The following GREB1 variants were observed in gnomAD, a reference collection of about 807,000 sequenced individuals.
GREB1 encodes the protein protein GREB1.
GREB1 carries 106 observed loss-of-function variants against 200.7 expected under a neutral mutation model. The observed-to-expected ratio is 0.53, with a 90% CI of 0.45 to 0.62. The LOEUF (loss-of-function observed/expected upper bound fraction) is 0.62. GREB1 is among the 20% of genes least tolerant of loss of function. The pLI is 0.00. For missense variants in GREB1, 2,243 were observed against 2,556.8 expected, an observed-to-expected ratio of 0.88 and a Z score of 2.65; for synonymous variants, 1,132 against 1,092.4, an observed-to-expected ratio of 1.04 and a Z score of -0.72.
chr2:11,630,306 TG>T (rs1684783463), intron 26 of GREB1, among the ~76,000 whole-genome samples, 197 bp downstream of exon 26: 1 of 152,262 alleles, frequency 6.6e-6, no homozygotes, highest in Non-Finnish European at 1.5e-5. Context: ...TTACTAGTTT[TG>T]TTACTTGAAC....
At chr2:11,543,644 G>T (rs1039909893) in intron 1 of GREB1, among the ~76,000 whole-genome samples, 3 of 152,170 alleles carry the variant, frequency 2.0e-5, no homozygotes, top group African/African-American at 7.2e-5. Context: ...CCAAGTTTGA[G>T]AATTTTTTTG....
chr2:11,503,616 A>C (rs994326745), intron 1 of GREB1, among the ~76,000 whole-genome samples: 1 of 152,186 alleles, frequency 6.6e-6, no homozygotes, highest in Non-Finnish European at 1.5e-5. Context: ...ACTAATTTAC[A>C]TGTCCAGTGG....
intron 1 of GREB1, among the ~76,000 whole-genome samples, chr2:11,540,864 C>T (rs1198773022): frequency 6.6e-6 from 1 of 152,368 alleles, no homozygotes; most frequent in East Asian, 1.9e-4. Context: ...TGGAGCACCC[C>T]ATTCCCATCC....
chr2:11,530,671 G>T (rs1159207398), upstream of GREB1, among the ~76,000 whole-genome samples: 4 of 151,930 alleles, frequency 2.6e-5, no homozygotes, highest in Admixed American at 6.6e-5. Flanking sequence ...GTGAGTTAAT[G>T]GGGGGCAGGG....
At chr2:11,614,055 C>T (rs1197955736) in intron 19 of GREB1, among the ~76,000 whole-genome samples, 1 of 152,054 alleles carries the variant, frequency 6.6e-6, no homozygotes, top group Non-Finnish European at 1.5e-5. Context: ...AGTACCCTGG[C>T]CTGTGTTCAC....
chr2:11,513,065 G>A (rs567918224), intron 1 of GREB1, among the ~76,000 whole-genome samples: 1 of 152,104 alleles, frequency 6.6e-6, no homozygotes, highest in Admixed American at 6.5e-5. Flanking sequence ...GAGCTGAAGC[G>A]CAAAGCTTAA....
At chr2:11,606,229 C>T (rs1682276207) in intron 17 of GREB1, among the ~76,000 whole-genome samples, 1 of 152,210 alleles carries the variant, frequency 6.6e-6, no homozygotes, top group African/African-American at 2.4e-5. Context: ...GGTTAAAAAT[C>T]CACATACAAG....
intron 1 of GREB1, among the ~76,000 whole-genome samples, chr2:11,508,025 G>T (rs1375737185): frequency 6.6e-6 from 1 of 152,210 alleles, no homozygotes; most frequent in Non-Finnish European, 1.5e-5. Context: ...ATAAAGCCAT[G>T]TACTAGATAT....
chr2:11,561,742 A>G (rs756343426), intron 2 of GREB1: 2 of 152,212 alleles, frequency 1.3e-5, no homozygotes, highest in Non-Finnish European at 2.9e-5. Flanking sequence ...CTGAGATCAG[A>G]CGAGATCAGG....
At position 11,586,048 on chromosome 2, in the gene GREB1, A is replaced by G; in HGVS notation, c.1159+143A>G. ...CCTAAAATGCTTTCCAGGGCAAGGA[A>G]AGAACAAGGCAGAGCCAGTCACTAG... is the stretch of plus-strand genomic sequence containing the variant. On this transcript the variant is annotated intron_variant, in intron 9 of 32. Transcript: ENST00000381486. The G allele has an allele frequency of 7.5e-6, 6 of 801,016 alleles. No homozygotes were observed. In the South Asian group the frequency reaches 1.0e-4, roughly 14 times the overall value. The allele number at this position is 801,016 out of a possible 1,614,324, so 49.6% of individuals were successfully genotyped here.
At chr2:11,484,585 TAAAAAACAAAA>T (rs781262724) in intron 1 of GREB1, among the ~76,000 whole-genome samples, 10 of 7,792 alleles carry the variant, frequency 1.3e-3, no homozygotes, top group South Asian at 0.016. Context: ...TCTCATCTCT[TAAAAAACAAAA>T]AAAAAAAAAA....
At chr2:11,577,035 A>AAAAC (rs755354444) in intron 5 of GREB1, among the ~76,000 whole-genome samples, 19 of 151,918 alleles carry the variant, frequency 1.3e-4, no homozygotes, top group East Asian at 5.8e-4. Context: ...ACTCCATCTC[A>AAAAC]AAACAAACAA....
intron 1 of GREB1, among the ~76,000 whole-genome samples, chr2:11,504,752 A>C (rs1673135426): frequency 6.6e-6 from 1 of 152,234 alleles, no homozygotes; most frequent in Non-Finnish European, 1.5e-5. Flanking sequence ...TTATCCAAAC[A>C]TTGCTTGATT....
In GREB1 at chr2:11,628,519, G is replaced by A. The variant is rs534729322; in HGVS notation, c.4449+1415G>A. 2.0e-3 allele frequency among the ~76,000 whole-genome samples: 298 copies of A among 152,306 alleles called. 3 individuals carry two copies. Among genetic ancestry groups the A allele is most frequent in the Admixed American group, 4.2e-3 (64 of 15,306 alleles). ...CATTGTTTGAGTGTGCAATTGTACT[G>A]TAGATGAAAGAAAGAACATATGAGC... On this transcript the variant is annotated intron_variant, in intron 25 of 32. Coordinates refer to ENST00000381486, the MANE Select transcript of GREB1 (RefSeq NM_014668.4).
chr2:11,574,003 G>A lies in GREB1; in HGVS notation c.455-2350G>A, dbSNP rs182217167. On this transcript the variant is annotated intron_variant, in intron 4 of 32. Transcript: ENST00000381486. ...ACACCAGGCTTAGAAGCCCTTCCAGGGAGCTCTGAAGGTTTCTTCGGGCCT... is the reference window on the plus strand; with the variant it reads ...ACACCAGGCTTAGAAGCCCTTCCAGAGAGCTCTGAAGGTTTCTTCGGGCCT... Among the ~76,000 whole-genome samples the A allele has an allele frequency of 2.0e-3, 312 of 152,350 alleles. 1 individual carries two copies. Among genetic ancestry groups the A allele is most frequent in the Non-Finnish European group, 3.7e-3 (252 of 68,032 alleles).
chr2:11,584,698 T>C (rs1679889892), intron 7 of GREB1: 1 of 153,350 alleles, frequency 6.5e-6, no homozygotes, highest in Non-Finnish European at 1.5e-5. Flanking sequence ...AGTGTCCTAT[T>C]TTAAAGATGA....
intron 4 of GREB1, among the ~76,000 whole-genome samples, chr2:11,571,579 T>C (rs527757278): frequency 5.3e-5 from 8 of 152,340 alleles, no homozygotes; most frequent in Non-Finnish European, 1.0e-4. Flanking sequence ...CTGCCCAAAT[T>C]TGAGGAACTA....
At chr2:11,488,737 G>C (rs1672713106) in intron 1 of GREB1, among the ~76,000 whole-genome samples, 1 of 147,976 alleles carries the variant, frequency 6.8e-6, no homozygotes, top group Non-Finnish European at 1.5e-5. Flanking sequence ...GTTGCAGTGA[G>C]CCGAGCCTGT....
At chr2:11,598,399 C>G in intron 14 of GREB1, among the ~76,000 whole-genome samples, 1 of 152,242 alleles carries the variant, frequency 6.6e-6, no homozygotes, top group East Asian at 1.9e-4. Flanking sequence ...TTTCGGTTCC[C>G]TCTGTCTTAC....
Sources: gnomAD v4.1 joint callset for allele counts (sites outside exome capture counted in the v4.1 genomes callset) on GRCh38, gnomAD v4.1.1 for gene constraint, MANE v1.5 for transcripts, NCBI Gene and HGNC (gene_info 2026-07-23, HGNC 2026-07-21) for gene names.